Variants in KIFAP3 observed in about 807,000 individuals in gnomAD.
KIFAP3 encodes the protein kinesin-associated protein 3.
A neutral mutation model predicts 106.5 loss-of-function variants in KIFAP3; 68 were observed. The ratio of observed to expected loss-of-function variants is 0.64; its 90% confidence interval spans 0.53 to 0.78. The LOEUF is 0.78. KIFAP3 is among the 30% of genes least tolerant of loss of function. The probability of loss-of-function intolerance (pLI) is 0.00; values close to 1 mark genes in which losing one functional copy is unlikely to be tolerated. For missense variants in KIFAP3, 780 were observed against 941.8 expected, an observed-to-expected ratio of 0.83 and a Z score of 2.25; for synonymous variants, 320 against 311.5, an observed-to-expected ratio of 1.03 and a Z score of -0.29.
At chr1:170,041,233 A>G (rs1183301801) in intron 3 of KIFAP3, among the ~76,000 whole-genome samples, 2 of 152,240 alleles carry the variant, frequency 1.3e-5, no homozygotes, top group Admixed American at 1.3e-4. Flanking sequence ...ATTAAGTACA[A>G]GGCATTTTAT....
intron 10 of KIFAP3, among the ~76,000 whole-genome samples, chr1:170,001,610 A>C (rs771742678): frequency 5.3e-5 from 8 of 152,148 alleles, no homozygotes; most frequent in Admixed American, 2.6e-4. Context: ...GGCCTATTAA[A>C]ATTGAGAAAC....
intron 14 of KIFAP3, 76 bp from the exon 15 acceptor site, chr1:169,982,173 T>G: frequency 7.1e-7 from 1 of 1,401,256 alleles, no homozygotes. Context: ...AAAATGTAAA[T>G]ACACAGAAAG....
intron 19 of KIFAP3, among the ~76,000 whole-genome samples, chr1:169,931,145 C>G (rs908095641): frequency 1.3e-5 from 2 of 152,040 alleles, no homozygotes; most frequent in African/African-American, 4.8e-5. Context: ...GTCTCGAACT[C>G]CTGAACTCAG....
At chr1:169,930,914 CTTTTTTTTT>C (rs151201224) in intron 19 of KIFAP3, among the ~76,000 whole-genome samples, 54 of 100,350 alleles carry the variant, frequency 5.4e-4, no homozygotes, top group Non-Finnish European at 9.5e-4. Context: ...ATTATTACTT[CTTTTTTTTT>C]TTTTTTTTTT....
chr1:169,954,155 A>G (rs768378141), intron 18 of KIFAP3, 45 bp from the exon 19 acceptor site: 1 of 1,125,254 alleles, frequency 8.9e-7, no homozygotes, highest in Non-Finnish European at 1.3e-6. Context: ...TATGTGTAGG[A>G]AAAACCTGTC....
chr1:170,005,269 C>T (rs1667889846), intron 10 of KIFAP3, among the ~76,000 whole-genome samples: 1 of 152,158 alleles, frequency 6.6e-6, no homozygotes, highest in Non-Finnish European at 1.5e-5. Flanking sequence ...GGACTGTAAA[C>T]TAGTTCAACC....
At chr1:169,951,418 A>G (rs574309071) in intron 19 of KIFAP3, among the ~76,000 whole-genome samples, 1 of 152,052 alleles carries the variant, frequency 6.6e-6, no homozygotes, top group South Asian at 2.1e-4. Context: ...TTTTAAGTCA[A>G]TATTACTGGG....
At chr1:169,931,281 C>T (rs909680672) in intron 19 of KIFAP3, among the ~76,000 whole-genome samples, 1 of 152,100 alleles carries the variant, frequency 6.6e-6, no homozygotes, top group Non-Finnish European at 1.5e-5. Flanking sequence ...ATTCCTCTGG[C>T]TCATAATAGG....
intron 17 of KIFAP3, among the ~76,000 whole-genome samples, chr1:169,970,317 T>C (rs1332160536): frequency 1.3e-5 from 2 of 152,030 alleles, no homozygotes; most frequent in Non-Finnish European, 2.9e-5. Flanking sequence ...TGTAAACAAG[T>C]GATGTAATCC....
rs1036025825 is a variant in KIFAP3 at position 170,012,661 on chromosome 1, C to T, written c.1183+3801G>A. ...GGCTGGGTCCTTTGAGAGGTGGTTACGTCATGAAAGCAGAGCCATCATGTA... is the reference window on the plus strand; with the variant it reads ...GGCTGGGTCCTTTGAGAGGTGGTTATGTCATGAAAGCAGAGCCATCATGTA... On this transcript the variant is annotated intron_variant, in intron 10 of 19. Transcript: ENST00000361580. 5.9e-5 allele frequency among the ~76,000 whole-genome samples: 9 copies of T among 151,978 alleles called. No homozygotes were observed. The South Asian group carries it at 6.2e-4, about 10-fold the overall frequency.
At position 170,046,210 on chromosome 1, in the gene KIFAP3, C is replaced by CAAAAAA. The variant is rs60580320; in HGVS notation, c.319+496_319+501dup. Among the ~76,000 whole-genome samples the CAAAAAA allele has an allele frequency of 2.8e-4, 16 of 56,934 alleles. 4 individuals carry two copies. The highest frequency in any genetic ancestry group is 6.8e-4 in the African/African-American group (10 of 14,752). The allele number at this position is 56,934 out of a possible 152,430, so 37.4% of individuals were successfully genotyped here. ...CCAGATTAAACCTTTTTCTCTGCTG[C>CAAAAAA]AAAAAAAAAAAAAAAAAAAGGAAAC... On this transcript the variant is annotated intron_variant, in intron 3 of 19. Coordinates refer to ENST00000361580, the MANE Select transcript of KIFAP3 (RefSeq NM_014970.4).
intron 17 of KIFAP3, among the ~76,000 whole-genome samples, chr1:169,967,403 C>T (rs376448498): frequency 6.6e-6 from 1 of 151,652 alleles, no homozygotes; most frequent in South Asian, 2.1e-4. Context: ...TCTCTATGTG[C>T]TCTGGGAATC....
intron 19 of KIFAP3, among the ~76,000 whole-genome samples, chr1:169,953,190 T>G (rs970968588): frequency 2.6e-5 from 4 of 152,124 alleles, no homozygotes; most frequent in African/African-American, 7.2e-5. Context: ...TATATTATTA[T>G]GTAATAAAGC....
At chr1:170,035,580 C>T (rs1415894800) in intron 5 of KIFAP3, 27 bp from the exon 6 acceptor site, 5 of 1,403,718 alleles carry the variant, frequency 3.6e-6, no homozygotes, top group African/African-American at 1.4e-5. Context: ...GGTACCGAAA[C>T]GATCATTCTC....
chr1:169,923,140 G>A (rs1325487408), intron 19 of KIFAP3: 3 of 971,482 alleles, frequency 3.1e-6, no homozygotes, highest in Non-Finnish European at 3.7e-6. Context: ...TGTACTGAGC[G>A]ATTCTGGACA....
At chr1:169,961,562 ATAAT>A (rs1199468354) in intron 17 of KIFAP3, among the ~76,000 whole-genome samples, 1 of 152,146 alleles carries the variant, frequency 6.6e-6, no homozygotes, top group Non-Finnish European at 1.5e-5. Context: ...TCTTGTGACT[ATAAT>A]TAAAGTTGAC....
At chr1:170,061,292 C>T (rs1253153151) in intron 1 of KIFAP3, among the ~76,000 whole-genome samples, 1 of 150,918 alleles carries the variant, frequency 6.6e-6, no homozygotes, top group African/African-American at 2.4e-5. Context: ...CCAGAATCTA[C>T]AATGAACTTA....
intron 1 of KIFAP3, among the ~76,000 whole-genome samples, chr1:170,072,311 G>C (rs886989115): frequency 4.6e-5 from 7 of 152,146 alleles, no homozygotes; most frequent in Non-Finnish European, 7.4e-5. Context: ...AAGTAAGATA[G>C]ACACATAGCA....
chr1:169,982,213 T>TCAAG, intron 14 of KIFAP3, 116 bp from the exon 15 acceptor site: 2 of 1,076,164 alleles, frequency 1.9e-6, no homozygotes, highest in Non-Finnish European at 2.7e-6. Flanking sequence ...TCAAGTCATA[T>TCAAG]GAATCCTTGA....
Sources: gnomAD v4.1 joint callset for allele counts (sites outside exome capture counted in the v4.1 genomes callset) on GRCh38, gnomAD v4.1.1 for gene constraint, MANE v1.5 for transcripts, NCBI Gene and HGNC (gene_info 2026-07-23, HGNC 2026-07-21) for gene names.